CNNM2: variants seen among roughly 807,000 people sequenced by gnomAD.
CNNM2 encodes metal transporter CNNM2.
A neutral mutation model predicts 66.9 loss-of-function variants in CNNM2; 12 were observed. That is an observed-to-expected ratio of 0.18 (90% CI 0.11 to 0.29). The LOEUF (loss-of-function observed/expected upper bound fraction) is 0.29. CNNM2 is among the 10% of genes least tolerant of loss of function. The pLI is 1.00. For synonymous variants in CNNM2, 557 were observed against 501.8 expected, an observed-to-expected ratio of 1.11 and a Z score of -1.47; for missense variants, 705 against 1,167.7, an observed-to-expected ratio of 0.60 and a Z score of 5.77.
chr10:103,001,339 A>G (rs2064118934), intron 1 of CNNM2, among the ~76,000 whole-genome samples: 2 of 152,214 alleles, frequency 1.3e-5, no homozygotes, highest in South Asian at 4.1e-4. Context: ...AATCTTATGT[A>G]TGTTTTACTG....
chr10:102,944,203 C>T (rs1009007600), intron 1 of CNNM2, among the ~76,000 whole-genome samples: 5 of 151,708 alleles, frequency 3.3e-5, no homozygotes, highest in Non-Finnish European at 7.4e-5. Context: ...CTCAGCCCCC[C>T]GAGTAGCTAG....
chr10:103,052,323 G>C (rs1663460523), intron 2 of CNNM2, among the ~76,000 whole-genome samples: 1 of 151,122 alleles, frequency 6.6e-6, no homozygotes, highest in Non-Finnish European at 1.5e-5. Flanking sequence ...GAGTGTGTCT[G>C]TATTTCTGTT....
intron 1 of CNNM2, among the ~76,000 whole-genome samples, chr10:102,920,439 C>T (rs557379221): frequency 1.9e-4 from 28 of 151,210 alleles, no homozygotes; most frequent in Admixed American, 4.0e-4. Flanking sequence ...CCTTCATTGT[C>T]TGGGTTCTCA....
rs1309198328 is a variant in CNNM2 at position 103,077,927 on chromosome 10, A to G, written c.*747A>G. 1 of 152,684 alleles carries G rather than the reference A, an allele frequency of 6.5e-6. No homozygotes were observed. The highest frequency in any genetic ancestry group is 1.5e-5 in the Non-Finnish European group (1 of 68,042). The allele number at this position is 152,684 out of a possible 1,614,324, so 9.5% of individuals were successfully genotyped here. A position where few individuals can be genotyped will look rare whatever the true frequency, so the allele number is the denominator to read the frequency against. The stretch of plus-strand genomic sequence containing the variant: ...CTAAGGAATTTTTATCACCAAAATG[A>G]ATGTTAATGAATTTAAAACCCATGG... On this transcript the variant is annotated 3_prime_UTR_variant, in exon 8 of 8. Coordinates refer to ENST00000369878, the MANE Select transcript of CNNM2 (RefSeq NM_017649.5).
rs1003446822 is a variant in CNNM2 at position 103,071,715 on chromosome 10, C to T, written c.2168-59C>T. The T allele has an allele frequency of 2.5e-5, 33 of 1,322,466 alleles. No individual in the cohort carries two copies. The highest frequency in any genetic ancestry group is 2.5e-4 in the South Asian group (21 of 85,136). The allele number at this position is 1,322,466 out of a possible 1,614,324, so 81.9% of individuals were successfully genotyped here. A position where few individuals can be genotyped will look rare whatever the true frequency, so the allele number is the denominator to read the frequency against. ...AGTATCCCCTCCTGTCCCTTGATTA[C>T]AGAGATCTCTGTTCTTGCCTTTTGA... On this transcript the variant is annotated intron_variant, in intron 5 of 7. Coordinates refer to ENST00000369878, the MANE Select transcript of CNNM2 (RefSeq NM_017649.5).
At chr10:102,993,932 C>A (rs531874835) in intron 1 of CNNM2, among the ~76,000 whole-genome samples, 1 of 151,912 alleles carries the variant, frequency 6.6e-6, no homozygotes, top group African/African-American at 2.4e-5. Flanking sequence ...ATGTCAAAAT[C>A]TTTTTTCTGT....
chr10:103,037,201 A>C (rs1194395287), intron 1 of CNNM2, among the ~76,000 whole-genome samples: 1 of 150,636 alleles, frequency 6.6e-6, no homozygotes. Context: ...ATATTAAAGA[A>C]GTAGACATCT....
At chr10:103,061,360 C>T (rs1189839911) in intron 4 of CNNM2, among the ~76,000 whole-genome samples, 1 of 152,058 alleles carries the variant, frequency 6.6e-6, no homozygotes, top group African/African-American at 2.4e-5. Context: ...GCCACTGCTC[C>T]AGCCTGGGCA....
chr10:103,046,026 G>C (rs186929916), intron 1 of CNNM2, among the ~76,000 whole-genome samples: 268 of 152,316 alleles, frequency 1.8e-3, no homozygotes, highest in Middle Eastern at 3.4e-3. Context: ...AGTTGATGGT[G>C]CCTTAGAATT....
chr10:103,051,688 C>T (rs970634982), intron 2 of CNNM2, among the ~76,000 whole-genome samples: 6 of 150,128 alleles, frequency 4.0e-5, no homozygotes, highest in Non-Finnish European at 7.4e-5. Flanking sequence ...TGCAGTGAGC[C>T]GAGATTACAC....
At chr10:103,071,986 T>C (rs1378367895) in intron 6 of CNNM2, 147 bp downstream of exon 6, 6 of 761,238 alleles carry the variant, frequency 7.9e-6, no homozygotes, top group African/African-American at 7.0e-5. Context: ...TCCGTAACTT[T>C]ATAGCGAGCT....
intron 1 of CNNM2, among the ~76,000 whole-genome samples, chr10:103,004,421 A>C (rs2064186530): frequency 6.6e-6 from 1 of 152,198 alleles, no homozygotes; most frequent in Admixed American, 6.5e-5. Flanking sequence ...CTTTTGGTGG[A>C]CATCTGTGTG....
chr10:102,931,304 G>T (rs757035999), intron 1 of CNNM2, among the ~76,000 whole-genome samples: 4 of 151,792 alleles, frequency 2.6e-5, no homozygotes, highest in African/African-American at 7.3e-5. Flanking sequence ...CTTCTGTTAG[G>T]CCAGATGTTA....
At chr10:103,012,993 C>T (rs537734416) in intron 1 of CNNM2, among the ~76,000 whole-genome samples, 1 of 152,146 alleles carries the variant, frequency 6.6e-6, no homozygotes, top group Non-Finnish European at 1.5e-5. Flanking sequence ...TTTTTCATTC[C>T]TTAGCTGAGA....
intron 1 of CNNM2, among the ~76,000 whole-genome samples, chr10:102,939,882 C>A (rs1441491297): frequency 6.6e-5 from 10 of 151,946 alleles, no homozygotes. Context: ...GCAGGAGAAT[C>A]GCTTGAATCC....
chr10:102,937,759 G>A lies in CNNM2; in HGVS notation c.1621+17658G>A, dbSNP rs5011520. Among the ~76,000 whole-genome samples the A allele has an allele frequency of 0.095, 14,335 of 151,444 alleles. 873 individuals are homozygous for A. Among genetic ancestry groups the A allele is most frequent in the East Asian group, 0.28 (1,411 of 5,060 alleles). On this transcript the variant is annotated intron_variant, in intron 1 of 7. Transcript: ENST00000369878. ...AGATAAACAGATGTGATTTTCTTTC[G>A]TTCTTTTTCTGGATGTATACAGAAA...
At chr10:103,050,884 G>T (rs117577199) in intron 2 of CNNM2, among the ~76,000 whole-genome samples, 307 of 152,204 alleles carry the variant, frequency 2.0e-3, no homozygotes, top group Non-Finnish European at 3.8e-3. Flanking sequence ...TGTAAAATAT[G>T]ATTGCTGGAC....
chr10:103,072,943 T>A (rs1457599274), intron 6 of CNNM2, among the ~76,000 whole-genome samples: 1 of 152,238 alleles, frequency 6.6e-6, no homozygotes, highest in African/African-American at 2.4e-5. Flanking sequence ...ATGGACTGTA[T>A]CACCTTCCAG....
chr10:103,029,880 T>A (rs78392571), intron 1 of CNNM2, among the ~76,000 whole-genome samples: 554 of 54,528 alleles, frequency 0.01, 9 homozygotes, highest in East Asian at 0.017. Context: ...AAAAAAAAAA[T>A]AATCTCAGAG....
Sources: allele counts gnomAD v4.1 joint callset (sites outside exome capture counted in the v4.1 genomes callset), GRCh38; gene constraint gnomAD v4.1.1; transcripts MANE v1.5; gene names NCBI Gene and HGNC (gene_info 2026-07-23, HGNC 2026-07-21).